WLS: variants seen among roughly 807,000 people sequenced by gnomAD.
WLS encodes Wnt ligand secretion mediator.
WLS carries 23 observed loss-of-function variants against 62.8 expected under a neutral mutation model. That is an observed-to-expected ratio of 0.37 (90% confidence interval 0.26 to 0.52). The LOEUF (loss-of-function observed/expected upper bound fraction) is 0.52. Among genes scored for constraint, WLS ranks in the 20% least tolerant of loss-of-function variants. WLS has a pLI of 0.92. For missense variants in WLS, 615 were observed against 697.3 expected, an observed-to-expected ratio of 0.88 and a Z score of 1.33; for synonymous variants, 246 against 244.1, an observed-to-expected ratio of 1.01 and a Z score of -0.07.
chr1:68,177,095 G>A (rs1469933716), intron 2 of WLS, among the ~76,000 whole-genome samples: 1 of 152,088 alleles, frequency 6.6e-6, no homozygotes, highest in Non-Finnish European at 1.5e-5. Context: ...TATGTTTATA[G>A]TCAAATATAA....
At chr1:68,163,902 A>G (rs1054125413) in intron 2 of WLS, among the ~76,000 whole-genome samples, 3 of 152,196 alleles carry the variant, frequency 2.0e-5, no homozygotes, top group Non-Finnish European at 4.4e-5. Flanking sequence ...ACAAATCACA[A>G]GGGAAACAGA....
rs571754253 is a variant in WLS, at chr1:68,232,221, T to C, written c.79A>G (p.Ile27Val). ...VGGILLVFQI[I>V]AFLVGGLIAP... ...ATCAAGCCTCCCACCAGAAAGGCGATGATTTGGAACACGAGCAGAATCCCA... is the reference window on the plus strand; with the variant it reads ...ATCAAGCCTCCCACCAGAAAGGCGACGATTTGGAACACGAGCAGAATCCCA... The change falls in exon 1 of 12, where the codon ATC (isoleucine) becomes GTC (valine). Residue 27 changes from isoleucine to valine, a missense_variant. Physicochemically the swap from Ile to Val is conservative, Grantham distance 29. Coordinates refer to ENST00000262348, the MANE Select transcript of WLS (RefSeq NM_024911.7). 3.1e-6 allele frequency: 5 copies of C among 1,613,994 alleles called. No homozygotes were observed. Among genetic ancestry groups the C allele is most frequent in the Non-Finnish European group, 4.2e-6 (5 of 1,180,014 alleles).
intron 1 of WLS, among the ~76,000 whole-genome samples, chr1:68,216,591 G>T (rs1649736771): frequency 6.6e-6 from 1 of 152,192 alleles, no homozygotes; most frequent in Non-Finnish European, 1.5e-5. Flanking sequence ...CAGCAAAAGG[G>T]CAGGCCCTCT....
chr1:68,167,658 T>G (rs931223898), intron 2 of WLS, among the ~76,000 whole-genome samples: 2 of 152,330 alleles, frequency 1.3e-5, no homozygotes, highest in African/African-American at 4.8e-5. Flanking sequence ...ATTTATAGAT[T>G]TGAAATCCAT....
In WLS at chr1:68,219,596, G is replaced by A. The variant is rs913554322; in HGVS notation, c.106+12598C>T. 1.1e-4 allele frequency among the ~76,000 whole-genome samples: 17 copies of A among 152,118 alleles called. 1 individual carries two copies. Among genetic ancestry groups the A allele is most frequent in the African/African-American group, 4.1e-4 (17 of 41,430 alleles). On this transcript the variant is annotated intron_variant, in intron 1 of 11. Coordinates refer to ENST00000262348, the MANE Select transcript of WLS (RefSeq NM_024911.7). ...GTTACCTCCACAATAGGTCCAAAATGCAAGGCATTCATCTATTCACCTCTT... is the reference window on the plus strand; with the variant it reads ...GTTACCTCCACAATAGGTCCAAAATACAAGGCATTCATCTATTCACCTCTT...
chr1:68,200,465 G>T (rs183096343), intron 1 of WLS, among the ~76,000 whole-genome samples: 1 of 133,546 alleles, frequency 7.5e-6, no homozygotes, highest in Non-Finnish European at 1.6e-5. Flanking sequence ...TGATTTCAAC[G>T]GATAGAATTA....
intron 1 of WLS, among the ~76,000 whole-genome samples, chr1:68,200,567 CT>C (rs35756608): frequency 0.059 from 7,958 of 135,658 alleles, 299 homozygotes; most frequent in African/African-American, 0.12. Flanking sequence ...CCAGCTATTG[CT>C]TTTTTTTTTT....
At position 68,185,012 on chromosome 1, in the gene WLS, C is replaced by T. The variant is rs527517318; in HGVS notation, c.379+8943G>A. The stretch of plus-strand genomic sequence containing the variant: ...TCAACATAACACAGACTACTTCTGA[C>T]CCAGGTGTGATGGAAGGAGCGGGGC... On this transcript the variant is annotated intron_variant, in intron 2 of 11. Transcript: ENST00000262348. Among the ~76,000 whole-genome samples the T allele has an allele frequency of 2.8e-4, 42 of 152,312 alleles. 1 individual carries two copies. The South Asian group carries it at 8.3e-3, about 30-fold the overall frequency.
chr1:68,155,209 C>T lies in WLS; in HGVS notation c.556G>A (p.Glu186Lys). The change falls in exon 4 of 12, where the codon GAA becomes AAA. Residue 186 changes from glutamate (E) to lysine (K), a missense_variant. By Grantham distance (56) the Glu-to-Lys change is moderately conservative. Transcript: ENST00000262348. ...YYECDVLPFM[E>K]IGSVAHKFYL... ...AACTTATGGGCCACAGACCCAATTT[C>T]CATGAAAGGAAGGACATCACATTCA... 1.2e-6 allele frequency: 2 copies of T among 1,613,934 alleles called. No individual in the cohort carries two copies. The highest frequency in any genetic ancestry group is 1.7e-6 in the Non-Finnish European group (2 of 1,179,918).
At chr1:68,162,138 G>A (rs1570922174) in intron 2 of WLS, 2 of 1,501,758 alleles carry the variant, frequency 1.3e-6, no homozygotes, top group South Asian at 1.1e-5. Context: ...TGTGAGGAGT[G>A]CAGATAAGAT....
At chr1:68,202,568 A>G (rs1402441573) in intron 1 of WLS, 1 of 152,184 alleles carries the variant, frequency 6.6e-6, no homozygotes, top group African/African-American at 2.4e-5. Flanking sequence ...TGAAGTGAAC[A>G]CAAAAGACCT....
chr1:68,206,713 C>G (rs932376453), intron 1 of WLS, among the ~76,000 whole-genome samples: 7 of 152,152 alleles, frequency 4.6e-5, no homozygotes, highest in African/African-American at 1.4e-4. Context: ...ATGCATTAAT[C>G]AGGCAAATTA....
At position 68,145,866 on chromosome 1, in the gene WLS, C is replaced by T. The variant is rs375205347; in HGVS notation, c.1278+3G>A. On this transcript the variant is annotated splice_donor_region_variant and intron_variant, in intron 9 of 11. Transcript: ENST00000262348. ...TCCAGAACGAGCCAAGAAATCTGCC[C>T]ACCTCATAGTGTAGCCGCCGGACTT... is the stretch of plus-strand genomic sequence containing the variant. 4.0e-5 allele frequency: 64 copies of T among 1,613,644 alleles called. No homozygotes were observed. Among genetic ancestry groups the T allele is most frequent in the Non-Finnish European group, 5.3e-5 (62 of 1,179,864 alleles).
At chr1:68,213,451 C>CAAA (rs900446226) in intron 1 of WLS, among the ~76,000 whole-genome samples, 6 of 51,172 alleles carry the variant, frequency 1.2e-4, no homozygotes, top group African/African-American at 3.7e-4. Flanking sequence ...AACTTCATTC[C>CAAA]AAAAAAAAAA....
At chr1:68,211,722 C>T (rs1008455513) in intron 1 of WLS, among the ~76,000 whole-genome samples, 2 of 152,202 alleles carry the variant, frequency 1.3e-5, no homozygotes, top group Non-Finnish European at 2.9e-5. Flanking sequence ...TCTCACCACT[C>T]ATGAGATTTT....
At chr1:68,117,196 T>C (rs1043015210) in intron 11 of WLS, among the ~76,000 whole-genome samples, 1 of 152,182 alleles carries the variant, frequency 6.6e-6, no homozygotes, top group Non-Finnish European at 1.5e-5. Flanking sequence ...TCCCAAACTT[T>C]ATCTGTACAA....
chr1:68,179,331 T>G (rs2100562401), intron 2 of WLS, among the ~76,000 whole-genome samples: 1 of 152,294 alleles, frequency 6.6e-6, no homozygotes, highest in East Asian at 1.9e-4. Context: ...TCTAGTATAA[T>G]TTCCCACTCA....
intron 11 of WLS, among the ~76,000 whole-genome samples, chr1:68,114,858 A>C (rs1025049659): frequency 5.9e-5 from 9 of 152,204 alleles, no homozygotes; most frequent in Admixed American, 5.9e-4. Context: ...GGTGCCACTT[A>C]GGTGTGAAGC....
At chr1:68,120,099 C>T (rs373649296) in intron 11 of WLS, among the ~76,000 whole-genome samples, 4 of 152,166 alleles carry the variant, frequency 2.6e-5, no homozygotes, top group East Asian at 1.9e-4. Context: ...CTGCATCAGG[C>T]GCCTACCATT....
Sources: gnomAD v4.1 joint callset for allele counts (sites outside exome capture counted in the v4.1 genomes callset) on GRCh38, gnomAD v4.1.1 for gene constraint, MANE v1.5 for transcripts, NCBI Gene and HGNC (gene_info 2026-07-23, HGNC 2026-07-21) for gene names.